Variants in GPR158 observed in about 807,000 individuals in gnomAD.
GPR158 encodes the protein metabotropic glycine receptor.
Under a neutral mutation model 78.2 loss-of-function variants are expected in GPR158, and 30 were observed. That is an observed-to-expected ratio of 0.38 (90% confidence interval 0.29 to 0.52). The LOEUF is 0.52. Ranked by LOEUF, GPR158 falls within the 20% of genes least tolerant of loss-of-function variation. GPR158 has a pLI of 0.83. For missense variants in GPR158, 1,463 were observed against 1,523.5 expected, an observed-to-expected ratio of 0.96 and a Z score of 0.66; for synonymous variants, 581 against 591.1, an observed-to-expected ratio of 0.98 and a Z score of 0.25.
At chr10:25,290,998 A>G (rs546190189) in intron 2 of GPR158, among the ~76,000 whole-genome samples, 1 of 152,212 alleles carries the variant, frequency 6.6e-6, no homozygotes, top group South Asian at 2.1e-4. Context: ...AAATAATACA[A>G]TCTCATGCAA....
chr10:25,302,900 A>G (rs1409932968), intron 2 of GPR158, among the ~76,000 whole-genome samples: 1 of 152,210 alleles, frequency 6.6e-6, no homozygotes, highest in African/African-American at 2.4e-5. Context: ...AACAGCAATC[A>G]GATGATACCA....
intron 2 of GPR158, among the ~76,000 whole-genome samples, chr10:25,228,758 G>A (rs979331303): frequency 2.0e-5 from 3 of 152,240 alleles, no homozygotes; most frequent in East Asian, 1.9e-4. Flanking sequence ...TAGGCCGGGC[G>A]TGGTGGCTCA....
intron 2 of GPR158, among the ~76,000 whole-genome samples, chr10:25,279,960 T>C (rs1831918): frequency 0.69 from 103,482 of 149,138 alleles, 36,469 homozygotes; most frequent in East Asian, 0.86. Context: ...AAGGTAACCA[T>C]TAAAATGAAA....
intron 2 of GPR158, among the ~76,000 whole-genome samples, chr10:25,284,874 T>G (rs1233815015): frequency 2.6e-5 from 4 of 152,152 alleles, no homozygotes; most frequent in Non-Finnish European, 5.9e-5. Flanking sequence ...ATAGTATAAA[T>G]ACTTTATAGC....
intron 5 of GPR158, among the ~76,000 whole-genome samples, chr10:25,550,235 T>C (rs1281048707): frequency 6.6e-6 from 1 of 152,180 alleles, no homozygotes; most frequent in Admixed American, 6.6e-5. Context: ...TCCATGTCTC[T>C]TTTCCCCCTC....
rs201760029 is a variant in GPR158, at chr10:25,317,735, TG to T, written c.1009-78175del. ...TAAAGTGTTTTTTTTTGTTTTGTTTTGTTTTGTTTTTGAGACAGAGTCTCGC... is the reference window on the plus strand; with the variant it reads ...TAAAGTGTTTTTTTTTGTTTTGTTTTTTTTGTTTTTGAGACAGAGTCTCGC... On this transcript the variant is annotated intron_variant, in intron 2 of 10. Transcript: ENST00000376351. Among the ~76,000 whole-genome samples the T allele has an allele frequency of 8.6e-4, 118 of 136,718 alleles. 6 individuals carry two copies. Among genetic ancestry groups the T allele is most frequent in the African/African-American group, 2.7e-3 (87 of 32,382 alleles). The allele number at this position is 136,718 out of a possible 152,430, so 89.7% of individuals were successfully genotyped here.
intron 2 of GPR158, among the ~76,000 whole-genome samples, chr10:25,288,466 A>G (rs1349360476): frequency 3.3e-5 from 5 of 152,176 alleles, no homozygotes; most frequent in Non-Finnish European, 1.5e-5. Flanking sequence ...TTTTTGTTTA[A>G]TCACAGCATT....
intron 2 of GPR158, among the ~76,000 whole-genome samples, chr10:25,250,912 G>T (rs1003378092): frequency 6.6e-6 from 1 of 151,474 alleles, no homozygotes; most frequent in African/African-American, 2.4e-5. Context: ...TGACAGTGGG[G>T]TGTTAAAGTC....
At chr10:25,255,042 C>T (rs912801583) in intron 2 of GPR158, among the ~76,000 whole-genome samples, 5 of 152,144 alleles carry the variant, frequency 3.3e-5, no homozygotes, top group Non-Finnish European at 5.9e-5. Flanking sequence ...TCTGGACTCC[C>T]TGCTATTCCT....
intron 1 of GPR158, among the ~76,000 whole-genome samples, chr10:25,215,101 G>C (rs1279759820): frequency 6.6e-6 from 1 of 152,100 alleles, no homozygotes; most frequent in Non-Finnish European, 1.5e-5. Context: ...AGCCAAAAGG[G>C]GGAAGGAACT....
intron 2 of GPR158, among the ~76,000 whole-genome samples, chr10:25,366,081 GTTA>G (rs778490195): frequency 2.6e-5 from 4 of 151,530 alleles, no homozygotes; most frequent in Non-Finnish European, 4.4e-5. Context: ...TGTATAGTAT[GTTA>G]TTATTTTAAT....
intron 1 of GPR158, among the ~76,000 whole-genome samples, chr10:25,215,978 A>G (rs960931566): frequency 6.6e-6 from 1 of 152,200 alleles, no homozygotes; most frequent in African/African-American, 2.4e-5. Flanking sequence ...GTGCTGTCAA[A>G]CTTTCTACCT....
intron 4 of GPR158, among the ~76,000 whole-genome samples, chr10:25,417,621 G>A (rs1010656826): frequency 1.3e-5 from 2 of 152,120 alleles, no homozygotes; most frequent in South Asian, 2.1e-4. Flanking sequence ...CAAATTCGAG[G>A]TTCTATTACC....
At chr10:25,374,180 T>C (rs532645221) in intron 2 of GPR158, among the ~76,000 whole-genome samples, 5 of 151,802 alleles carry the variant, frequency 3.3e-5, no homozygotes, top group African/African-American at 9.6e-5. Context: ...TTCTTAGATT[T>C]ATTTGCTTTA....
At chr10:25,343,294 A>G (rs1371268255) in intron 2 of GPR158, among the ~76,000 whole-genome samples, 1 of 151,962 alleles carries the variant, frequency 6.6e-6, no homozygotes, top group East Asian at 1.9e-4. Flanking sequence ...GAAGAAAGTA[A>G]GCAGATGACT....
intron 7 of GPR158, among the ~76,000 whole-genome samples, chr10:25,587,882 A>G (rs1427706729): frequency 1.3e-5 from 2 of 152,238 alleles, no homozygotes; most frequent in Non-Finnish European, 2.9e-5. Context: ...TGGATGGATG[A>G]TCCATGTTTT....
intron 2 of GPR158, among the ~76,000 whole-genome samples, chr10:25,234,087 C>G (rs77088555): frequency 0.012 from 1,900 of 152,158 alleles, 38 homozygotes; most frequent in African/African-American, 0.043. Flanking sequence ...CTTTGGGATA[C>G]TCAGGAATTT....
intron 2 of GPR158, among the ~76,000 whole-genome samples, chr10:25,379,551 C>A (rs777381532): frequency 1.3e-5 from 2 of 151,774 alleles, no homozygotes; most frequent in Admixed American, 1.3e-4. Flanking sequence ...CATTGTGATA[C>A]GGCAAAAGAC....
At chr10:25,190,356 A>G (rs1221130566) in intron 1 of GPR158, among the ~76,000 whole-genome samples, 1 of 151,422 alleles carries the variant, frequency 6.6e-6, no homozygotes, top group African/African-American at 2.5e-5. Context: ...TTATTGAGAC[A>G]GGGTCTTACT....
Sources: gnomAD v4.1 joint callset for allele counts (sites outside exome capture counted in the v4.1 genomes callset) on GRCh38, gnomAD v4.1.1 for gene constraint, MANE v1.5 for transcripts, NCBI Gene and HGNC (gene_info 2026-07-23, HGNC 2026-07-21) for gene names.